Variants in USPL1 observed in about 807,000 individuals in gnomAD.
USPL1 encodes the protein ubiquitin specific peptidase like 1.
USPL1 carries 27 observed loss-of-function variants against 51.5 expected under a neutral mutation model. The ratio of observed to expected loss-of-function variants is 0.52; its 90% CI spans 0.39 to 0.72. USPL1 has a LOEUF of 0.72. USPL1 is among the 30% of genes least tolerant of loss of function. The probability of loss-of-function intolerance (pLI) is 0.00; values close to 1 mark genes in which losing one functional copy is unlikely to be tolerated. For synonymous variants in USPL1, 451 were observed against 459.6 expected, an observed-to-expected ratio of 0.98 and a Z score of 0.24; for missense variants, 1,226 against 1,268.0, an observed-to-expected ratio of 0.97 and a Z score of 0.50.
At chr13:30,642,818 G>C in intron 6 of USPL1, 61 bp downstream of exon 6, 1 of 1,565,440 alleles carries the variant, frequency 6.4e-7, no homozygotes, top group South Asian at 1.2e-5. Context: ...AAGGTTAAGA[G>C]AACAATTTGA....
At chr13:30,642,388 T>G (rs1950959641) in intron 5 of USPL1, among the ~76,000 whole-genome samples, 1 of 152,176 alleles carries the variant, frequency 6.6e-6, no homozygotes, top group African/African-American at 2.4e-5. Flanking sequence ...GAAATTTTCA[T>G]AAATGTCTGC....
intron 7 of USPL1, among the ~76,000 whole-genome samples, chr13:30,651,584 T>C (rs577528841): frequency 4.6e-5 from 7 of 152,374 alleles, no homozygotes; most frequent in African/African-American, 1.7e-4. Context: ...GATTTCATAT[T>C]CTAGGGATCA....
chr13:30,659,755 C>T lies in USPL1; in HGVS notation c.*399C>T, dbSNP rs1296906008. On this transcript the variant is annotated 3_prime_UTR_variant, in exon 9 of 9. Transcript: ENST00000255304. The stretch of plus-strand genomic sequence containing the variant: ...CCTGTTGCTCGTGGCGCTTTGCCCA[C>T]GGTGCCCGAGTTCTTGTCCTGTGTC... The T allele has an allele frequency of 4.8e-5, 8 of 166,646 alleles. No homozygotes were observed. Among genetic ancestry groups the T allele is most frequent in the Non-Finnish European group, 7.7e-5 (6 of 78,332 alleles). The allele number at this position is 166,646 out of a possible 1,614,324, so 10.3% of individuals were successfully genotyped here.
intron 4 of USPL1, among the ~76,000 whole-genome samples, chr13:30,637,331 T>G (rs913888773): frequency 5.9e-5 from 9 of 152,204 alleles, no homozygotes; most frequent in African/African-American, 2.2e-4. Context: ...CCTTATAAAT[T>G]TATCTGTTCC....
At chr13:30,622,345 C>A (rs1020606211) in intron 3 of USPL1, among the ~76,000 whole-genome samples, 2 of 152,012 alleles carry the variant, frequency 1.3e-5, no homozygotes, top group Non-Finnish European at 2.9e-5. Flanking sequence ...TCTAAAAGAT[C>A]CTTTTAGAAG....
chr13:30,642,724 A>C lies in USPL1; in HGVS notation c.1079A>C (p.Glu360Ala). ...CTATATTCTTTTTCTTGGGACTTTGAATGTTCGCAGTGTGGACACCAATAT... is the reference window on the plus strand; with the variant it reads ...CTATATTCTTTTTCTTGGGACTTTGCATGTTCGCAGTGTGGACACCAATAT... ...LFLYSFSWDFECSQCGHQYQN... is the reference protein window; with the variant it reads ...LFLYSFSWDFACSQCGHQYQN... Residue 360 changes from glutamate (E) to alanine (A), a missense_variant, in exon 6 of 9, where the codon GAA becomes GCA. Coordinates refer to ENST00000255304, the MANE Select transcript of USPL1 (RefSeq NM_005800.5). The C allele has an allele frequency of 6.2e-7, 1 of 1,613,786 alleles. No individual in the cohort carries two copies. Among genetic ancestry groups the C allele is most frequent in the Non-Finnish European group, 8.5e-7 (1 of 1,179,854 alleles).
chr13:30,642,515 A>G, intron 5 of USPL1, 113 bp from the exon 6 acceptor site: 2 of 1,325,680 alleles, frequency 1.5e-6, no homozygotes, highest in Non-Finnish European at 2.1e-6. Flanking sequence ...GTCATACTGT[A>G]TTAACACATA....
chr13:30,622,533 A>G (rs1950658955), intron 3 of USPL1, among the ~76,000 whole-genome samples: 1 of 152,234 alleles, frequency 6.6e-6, no homozygotes, highest in Non-Finnish European at 1.5e-5. Context: ...CATGAATAAG[A>G]AAATAAATTG....
At chr13:30,624,167 T>G (rs1022331690) in intron 3 of USPL1, among the ~76,000 whole-genome samples, 25 of 152,112 alleles carry the variant, frequency 1.6e-4, no homozygotes, top group African/African-American at 6.0e-4. Flanking sequence ...CCAAATGGAA[T>G]TGGATTATAG....
At chr13:30,644,169 G>A (rs1950986501) in intron 6 of USPL1, among the ~76,000 whole-genome samples, 1 of 151,852 alleles carries the variant, frequency 6.6e-6, no homozygotes, top group Non-Finnish European at 1.5e-5. Context: ...TGTAGTCCCA[G>A]CTACTCGGGA....
intron 4 of USPL1, among the ~76,000 whole-genome samples, chr13:30,633,232 T>C (rs1950831372): frequency 6.6e-6 from 1 of 152,234 alleles, no homozygotes. Context: ...CATATTGTTA[T>C]AATTGTTGTA....
At chr13:30,647,950 T>C (rs1033285966) in intron 7 of USPL1, among the ~76,000 whole-genome samples, 1 of 152,198 alleles carries the variant, frequency 6.6e-6, no homozygotes, top group Non-Finnish European at 1.5e-5. Flanking sequence ...ATTAAGGTAG[T>C]ATTTACTTTT....
At chr13:30,632,747 G>A (rs1950824556) in intron 4 of USPL1, among the ~76,000 whole-genome samples, 1 of 152,046 alleles carries the variant, frequency 6.6e-6, no homozygotes, top group Non-Finnish European at 1.5e-5. Flanking sequence ...GACTGTGCTT[G>A]TGTCTCAGGG....
At chr13:30,636,916 A>G (rs1950883967) in intron 4 of USPL1, among the ~76,000 whole-genome samples, 1 of 152,168 alleles carries the variant, frequency 6.6e-6, no homozygotes, top group Non-Finnish European at 1.5e-5. Context: ...TCACTGTATA[A>G]TAACTAGCCA....
chr13:30,637,878 A>T (rs1328303498), intron 5 of USPL1, 21 bp downstream of exon 5: 1 of 1,539,782 alleles, frequency 6.5e-7, no homozygotes, highest in East Asian at 2.3e-5. Context: ...GGTAAAACTT[A>T]CTTGTATTAT....
rs1951245944 is a variant in USPL1, at chr13:30,660,535, T to G, written c.*1179T>G. ...CATTAGTTCAAGAGTTTATGCAGAT[T>G]TAAGTTGTATACGGTATATGAATGT... On this transcript the variant is annotated 3_prime_UTR_variant, in exon 9 of 9. Coordinates refer to ENST00000255304, the MANE Select transcript of USPL1 (RefSeq NM_005800.5). 6.6e-6 allele frequency: 1 copy of G among 152,250 alleles called. No individual in the cohort carries two copies. The allele number at this position is 152,250 out of a possible 1,614,324, so 9.4% of individuals were successfully genotyped here.
chr13:30,641,868 A>G (rs1347366109), intron 5 of USPL1, among the ~76,000 whole-genome samples: 1 of 151,706 alleles, frequency 6.6e-6, no homozygotes, highest in East Asian at 1.9e-4. Context: ...TGTTTCACTG[A>G]TTACATTTTT....
chr13:30,627,134 TGATACTA>T (rs1950727663), intron 3 of USPL1, among the ~76,000 whole-genome samples: 1 of 152,024 alleles, frequency 6.6e-6, no homozygotes, highest in African/African-American at 2.4e-5. Context: ...GGATTTTAAA[TGATACTA>T]GATGGTTGCG....
intron 5 of USPL1, among the ~76,000 whole-genome samples, chr13:30,638,520 C>T (rs1275077967): frequency 6.6e-6 from 1 of 152,150 alleles, no homozygotes; most frequent in Non-Finnish European, 1.5e-5. Context: ...GAGTGGCGTG[C>T]AGCAAGTGAG....
Sources: allele counts gnomAD v4.1 joint callset (sites outside exome capture counted in the v4.1 genomes callset), GRCh38; gene constraint gnomAD v4.1.1; transcripts MANE v1.5; gene names NCBI Gene and HGNC (gene_info 2026-07-23, HGNC 2026-07-21).